Variants in RFX3 observed in about 807,000 individuals in gnomAD.
RFX3 encodes transcription factor RFX3.
In RFX3, 14 loss-of-function variants were observed where a neutral mutation model predicts 98.6. The ratio of observed to expected loss-of-function variants is 0.14; its 90% CI spans 0.09 to 0.22. The LOEUF is 0.22. RFX3 is among the 10% of genes least tolerant of loss of function. The probability of loss-of-function intolerance (pLI) is 1.00; values close to 1 mark genes in which losing one functional copy is unlikely to be tolerated. For synonymous variants in RFX3, 383 were observed against 328.4 expected, an observed-to-expected ratio of 1.17 and a Z score of -1.80; for missense variants, 639 against 926.9, an observed-to-expected ratio of 0.69 and a Z score of 4.03.
intron 2 of RFX3, among the ~76,000 whole-genome samples, chr9:3,356,078 G>A (rs1055346459): frequency 9.7e-6 from 1 of 102,720 alleles, no homozygotes; most frequent in African/African-American, 9.5e-5. Flanking sequence ...ATATATTAGG[G>A]GGAAAAAAAT....
intron 15 of RFX3, among the ~76,000 whole-genome samples, chr9:3,232,118 G>GA (rs1236226247): frequency 1.1e-4 from 16 of 150,040 alleles, no homozygotes; most frequent in South Asian, 2.1e-4. Context: ...AGATTTAGAT[G>GA]AAAAAAAAAG....
chr9:3,330,292 T>C lies in RFX3; in HGVS notation c.441A>G (p.Ser147=). The C allele has an allele frequency of 6.2e-7, 1 of 1,614,114 alleles. No individual in the cohort carries two copies. The highest frequency in any genetic ancestry group is 8.5e-7 in the Non-Finnish European group (1 of 1,179,998). ...GGGAGGCCCGAGTTGTGTGTGTCAC[T>C]GAGTGACCAGAATTCTCCATTGAGT... ...IGNSMENSGH[S]VTHTTRASPA... Residue 147 remains serine (S), a synonymous_variant, in exon 4 of 17, where the codon TCA becomes TCG. Transcript: ENST00000617270.
intron 2 of RFX3, among the ~76,000 whole-genome samples, chr9:3,354,516 C>T (rs1440577315): frequency 6.6e-6 from 1 of 151,710 alleles, no homozygotes; most frequent in African/African-American, 2.4e-5. Context: ...ATTAGAATGA[C>T]TGAAAACTTC....
At chr9:3,419,643 G>A (rs572804989) in intron 1 of RFX3, among the ~76,000 whole-genome samples, 20 of 152,246 alleles carry the variant, frequency 1.3e-4, no homozygotes, top group South Asian at 4.1e-4. Context: ...GCAGTTCTCC[G>A]TTGGTATCTG....
intron 1 of RFX3, among the ~76,000 whole-genome samples, chr9:3,503,995 T>C (rs543044023): frequency 6.6e-6 from 1 of 151,396 alleles, no homozygotes; most frequent in African/African-American, 2.4e-5. Flanking sequence ...ATTTTTTAAG[T>C]GTTTCCAAAG....
At chr9:3,415,644 T>C (rs1310037724) in intron 1 of RFX3, among the ~76,000 whole-genome samples, 2 of 152,172 alleles carry the variant, frequency 1.3e-5, no homozygotes, top group Non-Finnish European at 2.9e-5. Context: ...CTTTGCCTTC[T>C]CTGTTCTTCT....
intron 2 of RFX3, among the ~76,000 whole-genome samples, chr9:3,376,229 G>A (rs563892793): frequency 1.3e-5 from 2 of 152,250 alleles, no homozygotes; most frequent in African/African-American, 4.8e-5. Context: ...CTCATATACT[G>A]CTGGTGGGAA....
At chr9:3,239,000 GAA>G (rs571555250) in intron 15 of RFX3, among the ~76,000 whole-genome samples, 22 of 103,892 alleles carry the variant, frequency 2.1e-4, no homozygotes, top group Admixed American at 8.0e-4. Context: ...CCATCTCAAA[GAA>G]AAAAAAAAAA....
At chr9:3,375,228 A>AC (rs981888556) in intron 2 of RFX3, among the ~76,000 whole-genome samples, 55 of 152,310 alleles carry the variant, frequency 3.6e-4, no homozygotes, top group African/African-American at 1.3e-3. Context: ...CACTATGAAG[A>AC]CCATTAACTC....
chr9:3,518,053 G>A (rs1645079133), intron 1 of RFX3, among the ~76,000 whole-genome samples: 1 of 152,106 alleles, frequency 6.6e-6, no homozygotes, highest in Non-Finnish European at 1.5e-5. Flanking sequence ...TGAGTTACAA[G>A]TGCCTACAGT....
intron 1 of RFX3, among the ~76,000 whole-genome samples, chr9:3,507,287 A>T (rs1009215075): frequency 2.0e-5 from 3 of 151,926 alleles, no homozygotes; most frequent in Non-Finnish European, 4.4e-5. Context: ...ACACATTCTA[A>T]TAGAATAAAG....
At chr9:3,344,024 G>A (rs1474154145) in intron 3 of RFX3, among the ~76,000 whole-genome samples, 1 of 152,062 alleles carries the variant, frequency 6.6e-6, no homozygotes, top group Non-Finnish European at 1.5e-5. Context: ...TTTTTCTAAG[G>A]TTTTATGAAT....
intron 1 of RFX3, among the ~76,000 whole-genome samples, chr9:3,457,139 CAAAAA>C (rs1169959832): frequency 3.0e-3 from 68 of 22,782 alleles, no homozygotes; most frequent in Non-Finnish European, 5.0e-3. Context: ...GACTCCATCT[CAAAAA>C]AAAAAAAAAA....
intron 15 of RFX3, among the ~76,000 whole-genome samples, chr9:3,231,120 C>G (rs976560776): frequency 1.3e-5 from 2 of 152,142 alleles, no homozygotes; most frequent in African/African-American, 2.4e-5. Context: ...TGTCATTATG[C>G]ACTATGGGGG....
chr9:3,384,865 G>A (rs1200783583), intron 2 of RFX3, among the ~76,000 whole-genome samples: 2 of 152,060 alleles, frequency 1.3e-5, no homozygotes, highest in African/African-American at 4.8e-5. Flanking sequence ...CCTCTCTCGT[G>A]CCAGGTCTTC....
chr9:3,521,538 T>A (rs1407678450), intron 1 of RFX3, among the ~76,000 whole-genome samples: 2 of 152,180 alleles, frequency 1.3e-5, no homozygotes, highest in African/African-American at 4.8e-5. Context: ...ATAAGAAATA[T>A]AAAATTCCCA....
intron 2 of RFX3, among the ~76,000 whole-genome samples, chr9:3,352,779 T>G (rs111759770): frequency 0.035 from 5,297 of 152,172 alleles, 314 homozygotes; most frequent in African/African-American, 0.12. Flanking sequence ...GCCATGATCC[T>G]GGGTTCTGAC....
At chr9:3,402,739 A>T (rs1248221746) in intron 1 of RFX3, among the ~76,000 whole-genome samples, 1 of 151,862 alleles carries the variant, frequency 6.6e-6, no homozygotes, top group African/African-American at 2.4e-5. Context: ...CTGGAAAATA[A>T]TAGTAGCATA....
At chr9:3,314,322 T>G (rs983913182) in intron 4 of RFX3, among the ~76,000 whole-genome samples, 12 of 152,154 alleles carry the variant, frequency 7.9e-5, no homozygotes, top group African/African-American at 2.9e-4. Flanking sequence ...AAGCAAATGC[T>G]GAGAGACTTT....
Sources: gnomAD v4.1 joint callset for allele counts (sites outside exome capture counted in the v4.1 genomes callset) on GRCh38, gnomAD v4.1.1 for gene constraint, MANE v1.5 for transcripts, NCBI Gene and HGNC (gene_info 2026-07-23, HGNC 2026-07-21) for gene names.